Variants in SGIP1 observed in about 807,000 individuals in gnomAD.
The protein encoded by SGIP1 is SH3GL interacting endocytic adaptor 1.
In SGIP1, 38 loss-of-function variants were observed where a neutral mutation model predicts 107.5. The ratio of observed to expected loss-of-function variants is 0.35; its 90% CI spans 0.27 to 0.46. The LOEUF (loss-of-function observed/expected upper bound fraction) is 0.46, where lower values mean the gene tolerates loss of function less well. SGIP1 is among the 20% of genes least tolerant of loss of function. SGIP1 has a pLI of 1.00. For synonymous variants in SGIP1, 365 were observed against 366.1 expected, an observed-to-expected ratio of 1.00 and a Z score of 0.03; for missense variants, 929 against 1,019.5, an observed-to-expected ratio of 0.91 and a Z score of 1.21.
In SGIP1 at chr1:66,744,509, A is replaced by G. The variant is rs1221161675; in HGVS notation, c.*1414A>G. ...CTTATTTAAACATAAACCAATTTCT[A>G]TTACAGGTTATGCTATTAAATAGCT... On this transcript the variant is annotated 3_prime_UTR_variant, in exon 25 of 25. Coordinates refer to ENST00000371037, the MANE Select transcript of SGIP1 (RefSeq NM_032291.4). 1 of 152,090 alleles carries G rather than the reference A, an allele frequency of 6.6e-6. No homozygotes were observed. The highest frequency in any genetic ancestry group is 1.5e-5 in the Non-Finnish European group (1 of 67,940). 9.4% of individuals were successfully genotyped at this position (152,090 alleles called of 1,614,324 possible).
intron 6 of SGIP1, 80 bp from the exon 7 acceptor site, chr1:66,643,464 C>A: frequency 8.4e-7 from 1 of 1,186,484 alleles, no homozygotes; most frequent in South Asian, 1.4e-5. Context: ...CTTTTGCTGT[C>A]TCTATATGCA....
chr1:66,655,003 A>G (rs1448856110), intron 7 of SGIP1, among the ~76,000 whole-genome samples: 3 of 152,214 alleles, frequency 2.0e-5, no homozygotes, highest in African/African-American at 7.2e-5. Context: ...GGGAGAATCA[A>G]AATGAGTTTC....
At chr1:66,667,823 GT>G (rs2082907606) in intron 9 of SGIP1, among the ~76,000 whole-genome samples, 4 of 152,278 alleles carry the variant, frequency 2.6e-5, no homozygotes, top group African/African-American at 9.6e-5. Flanking sequence ...ATATGTGTGT[GT>G]GTGTGTATGT....
At chr1:66,725,596 C>G (rs1463145486) in intron 19 of SGIP1, among the ~76,000 whole-genome samples, 1 of 152,164 alleles carries the variant, frequency 6.6e-6, no homozygotes, top group South Asian at 2.1e-4. Context: ...TCTGCTTTAG[C>G]CAAGGTAGAG....
chr1:66,681,195 G>A (rs747417620), intron 14 of SGIP1, among the ~76,000 whole-genome samples: 7 of 152,198 alleles, frequency 4.6e-5, no homozygotes, highest in Admixed American at 1.3e-4. Flanking sequence ...AATAATCTAT[G>A]TGTGTGTTGT....
intron 22 of SGIP1, among the ~76,000 whole-genome samples, chr1:66,739,846 T>C (rs1052057910): frequency 2.0e-5 from 3 of 152,132 alleles, no homozygotes; most frequent in Admixed American, 6.5e-5. Context: ...GGTAGAACCA[T>C]TGAATTCAGG....
At chr1:66,615,275 C>G (rs1050416730) in intron 1 of SGIP1, among the ~76,000 whole-genome samples, 8 of 152,090 alleles carry the variant, frequency 5.3e-5, no homozygotes, top group Admixed American at 5.2e-4. Flanking sequence ...GCTGGGATTA[C>G]AGGCATGCGC....
In SGIP1 at chr1:66,682,062, A is replaced by T; in HGVS notation, c.1008A>T (p.Pro336=). The T allele has an allele frequency of 6.2e-7, 1 of 1,614,140 alleles. No homozygotes were observed. The highest frequency in any genetic ancestry group is 8.5e-7 in the Non-Finnish European group (1 of 1,180,004). Residue 336 remains proline, a synonymous_variant, in exon 15 of 25, where the codon CCA becomes CCT. Coordinates refer to ENST00000371037, the MANE Select transcript of SGIP1 (RefSeq NM_032291.4). ...ELTPREKVVS[P]PATPDNPADS... is the part of the protein sequence containing the mutation. ...CTCCAAGGGAAAAAGTGGTGTCCCCACCAGCTACACCAGACAACCCAGCTG... is the reference window on the plus strand; with the variant it reads ...CTCCAAGGGAAAAAGTGGTGTCCCCTCCAGCTACACCAGACAACCCAGCTG...
rs151137146 is a variant in SGIP1, at chr1:66,684,188, G to A, written c.1315+1819G>A. ...GGCAATGAACTGGATTCATACTCAG[G>A]TCTGTCTGAGCTGGAGCCTATGTTG... On this transcript the variant is annotated intron_variant, in intron 15 of 24. Transcript: ENST00000371037. 7.4e-4 allele frequency: 1,154 copies of A among 1,550,558 alleles called. 12 individuals are homozygous for A. In the African/African-American group the frequency reaches 0.013, roughly 18 times the overall value.
chr1:66,617,959 A>G (rs1266826853), intron 1 of SGIP1, among the ~76,000 whole-genome samples: 1 of 152,206 alleles, frequency 6.6e-6, no homozygotes, highest in Non-Finnish European at 1.5e-5. Context: ...AGGGTGTTTT[A>G]AAATGTGATC....
intron 4 of SGIP1, among the ~76,000 whole-genome samples, chr1:66,638,032 T>C (rs1391670289): frequency 6.6e-6 from 1 of 151,986 alleles, no homozygotes; most frequent in Non-Finnish European, 1.5e-5. Context: ...GTAACAATCC[T>C]AGATCACAAA....
At chr1:66,569,424 A>AT (rs772276201) in intron 1 of SGIP1, among the ~76,000 whole-genome samples, 21 of 151,286 alleles carry the variant, frequency 1.4e-4, no homozygotes, top group East Asian at 7.8e-4. Context: ...GTTTACTGAG[A>AT]TTTTTTTTTA....
chr1:66,621,655 A>G (rs2071164650), intron 1 of SGIP1, among the ~76,000 whole-genome samples: 2 of 152,192 alleles, frequency 1.3e-5, no homozygotes, highest in Admixed American at 1.3e-4. Flanking sequence ...TGTATTAATG[A>G]ATTTGCCTAC....
chr1:66,557,542 A>G (rs2058360609), intron 1 of SGIP1, among the ~76,000 whole-genome samples: 1 of 152,140 alleles, frequency 6.6e-6, no homozygotes, highest in Admixed American at 6.6e-5. Context: ...GACAGAACAT[A>G]CAAAGCATTC....
chr1:66,707,383 T>A (rs973939475), intron 18 of SGIP1, among the ~76,000 whole-genome samples: 1 of 152,198 alleles, frequency 6.6e-6, no homozygotes, highest in Non-Finnish European at 1.5e-5. Context: ...CATAGTGGCA[T>A]GATGATTTTT....
At chr1:66,693,863 A>G (rs1208267088) in intron 17 of SGIP1, among the ~76,000 whole-genome samples, 6 of 152,260 alleles carry the variant, frequency 3.9e-5, no homozygotes, top group East Asian at 1.9e-4. Flanking sequence ...GTCCATAACT[A>G]TCAAAGGCAG....
At position 66,685,509 on chromosome 1, in the gene SGIP1, G is replaced by C. The variant is rs76749075; in HGVS notation, c.1315+3140G>C. On this transcript the variant is annotated intron_variant, in intron 15 of 24. Coordinates refer to ENST00000371037, the MANE Select transcript of SGIP1 (RefSeq NM_032291.4). The stretch of plus-strand genomic sequence containing the variant: ...TTTTGTTGGCTTGCACCATGTTTGA[G>C]GGCCAGGGAAAGAAAGGAGTAAGTA... Among the ~76,000 whole-genome samples the C allele has an allele frequency of 2.1e-4, 32 of 152,262 alleles. No individual in the cohort carries two copies. The East Asian group carries it at 6.0e-3, about 28-fold the overall frequency.
chr1:66,620,534 AAGAGAGAC>A (rs146549750), intron 1 of SGIP1, among the ~76,000 whole-genome samples: 2,359 of 152,190 alleles, frequency 0.016, 60 homozygotes, highest in African/African-American at 0.051. Flanking sequence ...GGCAGCAGAG[AAGAGAGAC>A]AGAGAGACAG....
chr1:66,723,049 CAG>C (rs575175674), intron 19 of SGIP1, among the ~76,000 whole-genome samples: 90 of 152,250 alleles, frequency 5.9e-4, no homozygotes, highest in African/African-American at 2.1e-3. Flanking sequence ...ATTTTGAAAT[CAG>C]AAACTTATAA....
Sources: allele counts gnomAD v4.1 joint callset (sites outside exome capture counted in the v4.1 genomes callset), GRCh38; gene constraint gnomAD v4.1.1; transcripts MANE v1.5; gene names NCBI Gene and HGNC (gene_info 2026-07-23, HGNC 2026-07-21).